The following BOP1 variants were observed in gnomAD, a reference collection of about 807,000 sequenced individuals.
BOP1 encodes ribosome biogenesis protein BOP1.
A neutral mutation model predicts 82.9 loss-of-function variants in BOP1; 54 were observed. That is an observed-to-expected ratio of 0.65 (90% CI 0.52 to 0.82). The LOEUF (loss-of-function observed/expected upper bound fraction) is 0.82. Ranked by LOEUF, BOP1 falls within the 40% of genes least tolerant of loss-of-function variation. The probability of loss-of-function intolerance (pLI) is 0.00; values close to 1 mark genes in which losing one functional copy is unlikely to be tolerated. For synonymous variants in BOP1, 566 were observed against 451.1 expected, an observed-to-expected ratio of 1.25 and a Z score of -3.23; for missense variants, 1,170 against 1,072.0, an observed-to-expected ratio of 1.09 and a Z score of -1.28.
At chr8:144,279,754 A>C (rs1845640220) in intron 2 of BOP1, among the ~76,000 whole-genome samples, 1 of 152,150 alleles carries the variant, frequency 6.6e-6, no homozygotes, top group African/African-American at 2.4e-5. Flanking sequence ...ACACCACAGG[A>C]TTCTGGGCTG....
At position 144,262,076 on chromosome 8, in the gene BOP1, A is replaced by C; in HGVS notation, c.*88T>G. ...GGGGGCGGCTTTGTTGGCAACCCCA[A>C]TTCAAGAAGGTGGGAGCACCAGGCA... On this transcript the variant is annotated 3_prime_UTR_variant, in exon 16 of 16. Transcript: ENST00000569669. 1.3e-6 allele frequency: 2 copies of C among 1,588,054 alleles called. No homozygotes were observed.
chr8:144,286,349 G>A (rs534720987), intron 2 of BOP1, among the ~76,000 whole-genome samples: 3 of 151,632 alleles, frequency 2.0e-5, no homozygotes, highest in South Asian at 4.1e-4. Flanking sequence ...GGCAGGGCAG[G>A]GCCTCAGCCC....
chr8:144,288,927 G>A (rs530199018), intron 2 of BOP1, among the ~76,000 whole-genome samples, 168 bp downstream of exon 2: 14 of 152,380 alleles, frequency 9.2e-5, no homozygotes, highest in African/African-American at 3.4e-4. Context: ...AACTGGGGAT[G>A]GAAACCAGCG....
chr8:144,290,001 G>A (rs1432201594), intron 1 of BOP1, among the ~76,000 whole-genome samples: 11 of 152,268 alleles, frequency 7.2e-5, no homozygotes, highest in South Asian at 2.1e-4. Flanking sequence ...GCGTGACACC[G>A]GCACACACAG....
chr8:144,267,331 C>T, intron 3 of BOP1: 2 of 990,164 alleles, frequency 2.0e-6, no homozygotes, highest in Non-Finnish European at 2.6e-6. Flanking sequence ...GGGGCTGGGG[C>T]CTTCTCCTGG....
At chr8:144,268,295 C>A in intron 3 of BOP1, 1 of 1,137,286 alleles carries the variant, frequency 8.8e-7, no homozygotes, top group Non-Finnish European at 1.2e-6. Flanking sequence ...GGCCGAGGGA[C>A]AGACGGACGT....
chr8:144,263,784 G>A, intron 9 of BOP1, 23 bp from the exon 10 acceptor site: 5 of 1,602,158 alleles, frequency 3.1e-6, no homozygotes, highest in Non-Finnish European at 3.4e-6. Flanking sequence ...CGGCAGTGAG[G>A]AGTCAGACTG....
At position 144,264,085 on chromosome 8, in the gene BOP1, T is replaced by C; in HGVS notation, c.1036A>G (p.Lys346Glu). Residue 346 changes from lysine to glutamate, a missense_variant, in exon 8 of 16, where the codon AAG (lysine) becomes GAG (glutamate). Physicochemically the swap from Lys to Glu is moderately conservative, Grantham distance 56. Coordinates refer to ENST00000569669, the MANE Select transcript of BOP1 (RefSeq NM_015201.5). ...GERKLSFLPR[K>E]FPSLRAVPAY... ...GGCACGGCCCGCAGGCTCGGGAACT[T>C]GCGTGGCAAAAAGCTCAGCTTCCTC... The C allele has an allele frequency of 1.2e-6, 2 of 1,610,458 alleles. No homozygotes were observed. Among genetic ancestry groups the C allele is most frequent in the Non-Finnish European group, 1.7e-6 (2 of 1,179,530 alleles).
chr8:144,268,012 C>A, intron 3 of BOP1: 1 of 1,539,396 alleles, frequency 6.5e-7, no homozygotes, highest in Non-Finnish European at 8.8e-7. Flanking sequence ...TTGGCGCTGG[C>A]CACCTGAGAT....
At chr8:144,266,569 A>T in intron 3 of BOP1, 1 of 1,012,816 alleles carries the variant, frequency 9.9e-7, no homozygotes, top group Non-Finnish European at 1.2e-6. Flanking sequence ...AGGAGGCGGC[A>T]TGAGCAGCGC....
At position 144,291,082 on chromosome 8, in the gene BOP1, A is replaced by G. The variant is rs1343592652; in HGVS notation, c.99+190T>C. 6.9e-6 allele frequency among the ~76,000 whole-genome samples: 1 copy of G among 144,956 alleles called. No homozygotes were observed. Among genetic ancestry groups the G allele is most frequent in the Non-Finnish European group, 1.5e-5 (1 of 66,422 alleles). ...GCTCCCCCGTTTCTTTGCTTCCCGG[A>G]CGCCGTCCTTTACCCCGCAGTCCGC... is the stretch of plus-strand genomic sequence containing the variant. On this transcript the variant is annotated intron_variant, in intron 1 of 15. Coordinates refer to ENST00000569669, the MANE Select transcript of BOP1 (RefSeq NM_015201.5). The surrounding 1 kb of genome is among the most constrained non-coding windows in gnomAD (Gnocchi z 4.1).
intron 3 of BOP1, among the ~76,000 whole-genome samples, chr8:144,273,611 C>A (rs1175672567): frequency 1.3e-5 from 2 of 152,262 alleles, no homozygotes; most frequent in Admixed American, 1.3e-4. Context: ...CCGCTCAAAT[C>A]AAAGCGGAGG....
rs1554840143 is a variant in BOP1, at chr8:144,291,155, G to T, written c.99+117C>A. 9.9e-6 allele frequency: 8 copies of T among 810,676 alleles called. No individual in the cohort carries two copies. The highest frequency in any genetic ancestry group is 2.6e-5 in the South Asian group (1 of 38,288). The allele number at this position is 810,676 out of a possible 1,614,324, so 50.2% of individuals were successfully genotyped here. A position where few individuals can be genotyped will look rare whatever the true frequency, so the allele number is the denominator to read the frequency against. On this transcript the variant is annotated intron_variant, in intron 1 of 15. Coordinates refer to ENST00000569669, the MANE Select transcript of BOP1 (RefSeq NM_015201.5). This position sits in a 1 kb window ranked among gnomAD's most constrained non-coding sequence, Gnocchi z 4.1. ...AGGAGCTGCACCCACGCCCAAGACC[G>T]ATTCACTGGGCGCGGGCGCCCAGGT...
Position 144,263,469 on chromosome 8 carries a change from T to G in BOP1, c.1424+9A>C. On this transcript the variant is annotated intron_variant, in intron 11 of 15. Transcript: ENST00000569669. ...CCCTGGCTCCCCAGCCCCCAGGGCC[T>G]CCACTTACACGGCTGCAGCCACCAG... The G allele has an allele frequency of 6.3e-7, 1 of 1,597,792 alleles. No individual in the cohort carries two copies. The highest frequency in any genetic ancestry group is 8.5e-7 in the Non-Finnish European group (1 of 1,179,582).
At chr8:144,267,265 C>A (rs978254120) in intron 3 of BOP1, 7 of 1,395,566 alleles carry the variant, frequency 5.0e-6, no homozygotes, top group Admixed American at 2.8e-5. Context: ...CGAGGCCACA[C>A]GGGCAGGGCT....
chr8:144,263,535 A>C lies in BOP1; in HGVS notation c.1367T>G (p.Val456Gly). 1 of 1,599,660 alleles carries C rather than the reference A, an allele frequency of 6.3e-7. No homozygotes were observed. The highest frequency in any genetic ancestry group is 8.5e-7 in the Non-Finnish European group (1 of 1,179,658). ...RCVRTVPVGG[V>G]VKSVAWNPSP... ...GGGGTTCCAGGCCACACTCTTCACC[A>C]CGCCCCCCACGGGAACAGTCCTCAC... The change falls in exon 11 of 16, where the codon GTG (valine) becomes GGG (glycine). Residue 456 changes from valine to glycine, a missense_variant. Physicochemically the swap from Val to Gly is moderately radical, Grantham distance 109. Coordinates refer to ENST00000569669, the MANE Select transcript of BOP1 (RefSeq NM_015201.5).
In BOP1 at chr8:144,263,560, C is replaced by A; in HGVS notation, c.1342G>T (p.Val448Leu). The A allele has an allele frequency of 6.2e-7, 1 of 1,602,212 alleles. No homozygotes were observed. Among genetic ancestry groups the A allele is most frequent in the Non-Finnish European group, 8.5e-7 (1 of 1,179,742 alleles). Residue 448 changes from valine to leucine, a missense_variant, in exon 11 of 16, where the codon GTG (valine) becomes TTG (leucine). Physicochemically the swap from Val to Leu is conservative, Grantham distance 32. Transcript: ENST00000569669. ...RLWEVATARC[V>L]RTVPVGGVVK... The stretch of plus-strand genomic sequence containing the variant: ...ACGCCCCCCACGGGAACAGTCCTCA[C>A]ACAGCGGGCAGTGGCCACCTCCCAG...
intron 2 of BOP1, 69 bp downstream of exon 2, chr8:144,289,026 C>A: frequency 6.5e-7 from 1 of 1,531,942 alleles, no homozygotes. Flanking sequence ...AGTACAGTGG[C>A]AGTCTCAGAA....
intron 3 of BOP1, chr8:144,266,651 G>T: frequency 2.4e-6 from 3 of 1,253,726 alleles, no homozygotes; most frequent in East Asian, 5.4e-5. Flanking sequence ...CCGCCGGGCC[G>T]CTACCTGTAC....
Sources: allele counts gnomAD v4.1 joint callset (sites outside exome capture counted in the v4.1 genomes callset), GRCh38; gene constraint gnomAD v4.1.1; non-coding constraint Gnocchi (gnomAD v3.1); transcripts MANE v1.5; gene names NCBI Gene and HGNC (gene_info 2026-07-23, HGNC 2026-07-21).